Variants in SNX19 observed in about 807,000 individuals in gnomAD.
The protein encoded by SNX19 is sorting nexin 19.
SNX19 carries 60 observed loss-of-function variants against 85.2 expected under a neutral mutation model. The ratio of observed to expected loss-of-function variants is 0.70; its 90% CI spans 0.57 to 0.87. The LOEUF (loss-of-function observed/expected upper bound fraction) is 0.87. Among genes scored for constraint, SNX19 ranks in the 40% least tolerant of loss-of-function variants. SNX19 has a pLI of 0.00. For missense variants in SNX19, 1,201 were observed against 1,217.8 expected (o/e 0.99, Z 0.21); for synonymous variants, 520 against 470.0 (o/e 1.11, Z -1.38).
At position 130,880,644 on chromosome 11, in the gene SNX19, C is replaced by T. The variant is rs1398856590; in HGVS notation, c.2736G>A (p.Gln912=). 1 of 1,604,470 alleles carries T rather than the reference C, an allele frequency of 6.2e-7. No homozygotes were observed. Among genetic ancestry groups the T allele is most frequent in the African/African-American group, 1.3e-5 (1 of 74,790 alleles). ...TACCTGGGAGGACTCCCATCAGGCTCTGCAAAGCCTGTTTCTCAGCAGCCA... is the reference window on the plus strand; with the variant it reads ...TACCTGGGAGGACTCCCATCAGGCTTTGCAAAGCCTGTTTCTCAGCAGCCA... ...QKLAAEKQAL[Q]SLMGVLPDLV... The change falls in exon 9 of 11, where the codon CAG becomes CAA. Residue 912 remains glutamine (Q), a synonymous_variant. Transcript: ENST00000265909.
At position 130,867,590 on chromosome 11, in the gene SNX19, T is replaced by A. The variant is rs1035384774; in HGVS notation, c.*10832A>T. 2.6e-5 allele frequency: 4 copies of A among 152,206 alleles called. No homozygotes were observed. The highest frequency in any genetic ancestry group is 4.8e-5 in the African/African-American group (2 of 41,452). 9.4% of individuals were successfully genotyped at this position (152,206 alleles called of 1,614,324 possible). On this transcript the variant is annotated 3_prime_UTR_variant, in exon 11 of 11. Transcript: ENST00000265909. ...GAAGCCTAGAGAAAGTGAAGTATAT[T>A]CCTTTCAAGAAGAGAATCCCCGGGT...
At chr11:130,895,225 C>T (rs1417128417) in intron 8 of SNX19, 19 of 985,286 alleles carry the variant, frequency 1.9e-5, no homozygotes, top group African/African-American at 3.5e-5. Context: ...TTGCTTAGGC[C>T]GTACCATGGC....
chr11:130,876,748 G>C lies in SNX19; in HGVS notation c.*1674C>G, dbSNP rs1943278005. On this transcript the variant is annotated 3_prime_UTR_variant, in exon 11 of 11. Coordinates refer to ENST00000265909, the MANE Select transcript of SNX19 (RefSeq NM_014758.3). Reference sequence around the variant, plus strand: ...CCTGCAGGTACTCACGGAAAGTAGAGATGCTGAGCTACCTTTTCTTGTCAA... The same window carrying C: ...CCTGCAGGTACTCACGGAAAGTAGACATGCTGAGCTACCTTTTCTTGTCAA... 6.6e-6 allele frequency: 1 copy of C among 152,662 alleles called. No homozygotes were observed. The highest frequency in any genetic ancestry group is 2.1e-4 in the South Asian group (1 of 4,836). The allele number at this position is 152,662 out of a possible 1,614,324, so 9.5% of individuals were successfully genotyped here.
chr11:130,878,273 AT>A lies in SNX19; in HGVS notation c.*148del. The A allele has an allele frequency of 1.3e-6, 1 of 795,854 alleles. No individual in the cohort carries two copies. Among genetic ancestry groups the A allele is most frequent in the Non-Finnish European group, 1.9e-6 (1 of 515,138 alleles). The allele number at this position is 795,854 out of a possible 1,614,324, so 49.3% of individuals were successfully genotyped here. On this transcript the variant is annotated 3_prime_UTR_variant, in exon 11 of 11. Transcript: ENST00000265909. ...CACAGACCCCTGTCACCTGCTACAA[AT>A]GGAGCAGAAGTGGGAGAGAAGTGAG...
In SNX19 at chr11:130,872,988, C is replaced by G. The variant is rs2135253346; in HGVS notation, c.*5434G>C. 6.6e-6 allele frequency among the ~76,000 whole-genome samples: 1 copy of G among 152,296 alleles called. No homozygotes were observed. The highest frequency in any genetic ancestry group is 1.9e-4 in the East Asian group (1 of 5,174). ...TCCTGAAACAAGGCATCTCCAAATG[C>G]TCCCTGCCCCTCAAACAGCAGAGGA... On this transcript the variant is annotated 3_prime_UTR_variant, in exon 11 of 11. Transcript: ENST00000265909.
intron 8 of SNX19, among the ~76,000 whole-genome samples, chr11:130,898,341 GA>G (rs1486855516): frequency 1.3e-5 from 2 of 152,182 alleles, no homozygotes; most frequent in Non-Finnish European, 2.9e-5. Flanking sequence ...ACATTTTAAG[GA>G]GGAGATGCAC....
chr11:130,895,722 C>G (rs1423189454), intron 8 of SNX19, among the ~76,000 whole-genome samples: 1 of 152,178 alleles, frequency 6.6e-6, no homozygotes, highest in Admixed American at 6.5e-5. Context: ...CACACACACA[C>G]AGAAATGCAA....
At chr11:130,903,517 C>A in intron 7 of SNX19, 133 bp from the exon 8 acceptor site, 1 of 893,000 alleles carries the variant, frequency 1.1e-6, no homozygotes, top group Non-Finnish European at 1.6e-6. Flanking sequence ...TCCCTCTACA[C>A]TCAAATCAAA....
chr11:130,911,701 C>T lies in SNX19; in HGVS notation c.1745G>A (p.Arg582His), dbSNP rs1946142465. Residue 582 changes from arginine to histidine, a missense_variant, in exon 2 of 11, where the codon CGC (arginine) becomes CAC (histidine). By Grantham distance (29) the Arg-to-His change is conservative. Transcript: ENST00000265909. Reference sequence around the variant, plus strand: ...CTGCAGATTCAAGAACTCCCGATAGCGACGATTCACAGTGTGGTAGGCCAG... The same window carrying T: ...CTGCAGATTCAAGAACTCCCGATAGTGACGATTCACAGTGTGGTAGGCCAG... ...QQLAYHTVNR[R>H]YREFLNLQTR... 19 of 1,614,056 alleles carry T rather than the reference C, an allele frequency of 1.2e-5. No homozygotes were observed. The highest frequency in any genetic ancestry group is 1.7e-5 in the Admixed American group (1 of 60,014).
chr11:130,894,051 G>A (rs56778622), intron 8 of SNX19, among the ~76,000 whole-genome samples: 9,675 of 152,156 alleles, frequency 0.064, 949 homozygotes, highest in African/African-American at 0.21. Context: ...AAAGCAATAG[G>A]GAATGTCCTT....
intron 10 of SNX19, among the ~76,000 whole-genome samples, chr11:130,879,255 T>C (rs1479612423): frequency 6.6e-6 from 1 of 152,172 alleles, no homozygotes. Context: ...GGTACGCTCT[T>C]GGAGCATTCA....
intron 4 of SNX19, 101 bp from the exon 5 acceptor site, chr11:130,908,184 G>A: frequency 7.2e-7 from 1 of 1,380,416 alleles, no homozygotes; most frequent in Non-Finnish European, 9.8e-7. Context: ...AGGACAAGGA[G>A]AGGGGCCAGG....
At position 130,874,121 on chromosome 11, in the gene SNX19, C is replaced by G. The variant is rs1943131451; in HGVS notation, c.*4301G>C. On this transcript the variant is annotated 3_prime_UTR_variant, in exon 11 of 11. Coordinates refer to ENST00000265909, the MANE Select transcript of SNX19 (RefSeq NM_014758.3). ...CACTGCAGCCTCAAATTCCTGGGCT[C>G]AAGTGATCCTCCTGCCTCAGCCTCC... 6.6e-6 allele frequency among the ~76,000 whole-genome samples: 1 copy of G among 151,940 alleles called. No individual in the cohort carries two copies. Among genetic ancestry groups the G allele is most frequent in the South Asian group, 2.1e-4 (1 of 4,824 alleles).
At chr11:130,901,075 C>T (rs1395419226) in intron 8 of SNX19, among the ~76,000 whole-genome samples, 3 of 152,166 alleles carry the variant, frequency 2.0e-5, no homozygotes, top group Non-Finnish European at 4.4e-5. Flanking sequence ...ATATTTTGGG[C>T]AGGATAATTC....
rs1943004503 is a variant in SNX19 at position 130,870,970 on chromosome 11, G to T, written c.*7452C>A. ...GTGTAAATAACTGAAAAGAAAGTGGGAAGAGTTTTGGCTGGTGCAATCAGA... is the reference window on the plus strand; with the variant it reads ...GTGTAAATAACTGAAAAGAAAGTGGTAAGAGTTTTGGCTGGTGCAATCAGA... On this transcript the variant is annotated 3_prime_UTR_variant, in exon 11 of 11. Transcript: ENST00000265909. Among the ~76,000 whole-genome samples the T allele has an allele frequency of 6.6e-6, 1 of 152,134 alleles. No individual in the cohort carries two copies. The highest frequency in any genetic ancestry group is 6.5e-5 in the Admixed American group (1 of 15,274).
Position 130,910,060 on chromosome 11 carries a change from A to G in SNX19, c.1992T>C (p.Ile664=). The change falls in exon 4 of 11, where the codon ATT becomes ATC. Residue 664 remains isoleucine (I), a synonymous_variant. Coordinates refer to ENST00000265909, the MANE Select transcript of SNX19 (RefSeq NM_014758.3). Reference sequence around the variant, plus strand: ...CCATAAATGGTTTCTTGACAAAGGCAATACGAGCATCTGTGTTCAGAGCAA... The same window carrying G: ...CCATAAATGGTTTCTTGACAAAGGCGATACGAGCATCTGTGTTCAGAGCAA... ...EFLALNTDAR[I]AFVKKPFMVS... 1.2e-6 allele frequency: 2 copies of G among 1,614,154 alleles called. No individual in the cohort carries two copies. The highest frequency in any genetic ancestry group is 2.2e-5 in the East Asian group (1 of 44,886).
chr11:130,900,863 T>C (rs888312885), intron 8 of SNX19, among the ~76,000 whole-genome samples: 3 of 152,142 alleles, frequency 2.0e-5, no homozygotes, highest in African/African-American at 7.2e-5. Flanking sequence ...ATTAGTGACA[T>C]CCAGAGGTGA....
rs745760721 is a variant in SNX19, at chr11:130,915,804, C to T, written c.136G>A (p.Val46Ile). Reference sequence around the variant, plus strand: ...AGAAGGCACAGCAGCCACACGTTGACCAGAAGGTGTATGACCAGGAGCCAG... The same window carrying T: ...AGAAGGCACAGCAGCCACACGTTGATCAGAAGGTGTATGACCAGGAGCCAG... Reference protein sequence around the residue: ...LGWLLVIHLLVNVWLLCLLSA... With the variant: ...LGWLLVIHLLINVWLLCLLSA... Residue 46 changes from valine to isoleucine, a missense_variant, in exon 1 of 11, where the codon GTC (valine) becomes ATC (isoleucine). Physicochemically the swap from Val to Ile is conservative, Grantham distance 29 (BLOSUM62 3). This residue lies in a region of SNX19 where 791 missense variants were observed against 750.9 expected (regional missense o/e 1.05). Coordinates refer to ENST00000265909, the MANE Select transcript of SNX19 (RefSeq NM_014758.3). The T allele has an allele frequency of 6.2e-7, 1 of 1,614,196 alleles. No individual in the cohort carries two copies. Among genetic ancestry groups the T allele is most frequent in the South Asian group, 1.1e-5 (1 of 91,086 alleles).
At chr11:130,880,327 T>C (rs1943564281) in intron 9 of SNX19, among the ~76,000 whole-genome samples, 1 of 152,142 alleles carries the variant, frequency 6.6e-6, no homozygotes, top group African/African-American at 2.4e-5. Flanking sequence ...TCCCCAGACC[T>C]GCCAGCAGGT....
Sources: allele counts gnomAD v4.1 joint callset (sites outside exome capture counted in the v4.1 genomes callset), GRCh38; gene constraint gnomAD v4.1.1; regional missense constraint gnomAD v4.1.1; transcripts MANE v1.5; gene names NCBI Gene and HGNC (gene_info 2026-07-23, HGNC 2026-07-21).